The following NOS1 variants were observed in gnomAD, a reference collection of about 807,000 sequenced individuals.
NOS1 encodes the protein nitric oxide synthase 1, also known as NOS type I.
A neutral mutation model predicts 164.5 loss-of-function variants in NOS1; 51 were observed. The ratio of observed to expected loss-of-function variants is 0.31; its 90% CI spans 0.25 to 0.39. NOS1 has a LOEUF of 0.39. NOS1 is among the 10% of genes least tolerant of loss of function. NOS1 has a pLI of 1.00. For synonymous variants in NOS1, 719 were observed against 745.8 expected, an observed-to-expected ratio of 0.96 and a Z score of 0.59; for missense variants, 1,362 against 1,885.6, an observed-to-expected ratio of 0.72 and a Z score of 5.14.
intron 1 of NOS1, among the ~76,000 whole-genome samples, chr12:117,360,222 G>T (rs555831746): frequency 6.6e-6 from 1 of 152,004 alleles, no homozygotes; most frequent in Non-Finnish European, 1.5e-5. Flanking sequence ...GCCTGATGCG[G>T]AGCTTGGAGA....
At chr12:117,262,947 T>G (rs1872059651) in intron 13 of NOS1, among the ~76,000 whole-genome samples, 1 of 152,126 alleles carries the variant, frequency 6.6e-6, no homozygotes. Context: ...ATTCTTTAGC[T>G]CAATTGTCAC....
chr12:117,260,044 G>A (rs1255786401), intron 14 of NOS1, among the ~76,000 whole-genome samples: 2 of 151,486 alleles, frequency 1.3e-5, no homozygotes, highest in African/African-American at 4.8e-5. Context: ...GCGTGAACCC[G>A]GGAGGTGGAG....
intron 11 of NOS1, among the ~76,000 whole-genome samples, chr12:117,267,028 T>C (rs907065891): frequency 1.3e-5 from 2 of 152,126 alleles, no homozygotes; most frequent in African/African-American, 4.8e-5. Flanking sequence ...GTGCACCCAC[T>C]CCATCCACAT....
intron 1 of NOS1, among the ~76,000 whole-genome samples, chr12:117,351,343 C>T (rs56286535): frequency 0.016 from 2,474 of 152,304 alleles, 65 homozygotes; most frequent in African/African-American, 0.056. Flanking sequence ...TTCCACCACC[C>T]AAAGGGCTTC....
At chr12:117,338,499 A>T (rs112954968) in intron 1 of NOS1, among the ~76,000 whole-genome samples, 14,003 of 150,300 alleles carry the variant, frequency 0.093, 866 homozygotes, top group Admixed American at 0.14. Context: ...GCATTAGGAG[A>T]TATACCTAAT....
rs1193217470 is a variant in NOS1 at position 117,217,440 on chromosome 12, C to A, written c.4289+606G>T. On this transcript the variant is annotated intron_variant, in intron 28 of 28. Transcript: ENST00000317775. ...ACAACTCCGGCCATGTGCGGTGGCT[C>A]ACACCTATAATTCCAGCACTTTGGG... is the stretch of plus-strand genomic sequence containing the variant. Among the ~76,000 whole-genome samples, 5 of 152,206 alleles carry A rather than the reference C, an allele frequency of 3.3e-5. No homozygotes were observed. The East Asian group carries it at 9.6e-4, about 29-fold the overall frequency.
chr12:117,313,970 G>A (rs995741169), intron 2 of NOS1, among the ~76,000 whole-genome samples: 13 of 152,086 alleles, frequency 8.5e-5, no homozygotes, highest in Non-Finnish European at 1.8e-4. Context: ...CTAGCTTAGG[G>A]GACTCCCCCA....
chr12:117,212,926 T>C lies in NOS1; in HGVS notation c.*2383A>G. The C allele has an allele frequency of 3.0e-6, 3 of 985,274 alleles. No individual in the cohort carries two copies. Among genetic ancestry groups the C allele is most frequent in the Non-Finnish European group, 3.6e-6 (3 of 829,888 alleles). 61.0% of individuals were successfully genotyped at this position (985,274 alleles called of 1,614,324 possible). ...CGCTCTCCTGCCTTCTAGCCTGGAG[T>C]TGTGAAGCAGCTTGTGTTGGGGATT... On this transcript the variant is annotated 3_prime_UTR_variant, in exon 29 of 29. Transcript: ENST00000317775.
At chr12:117,265,034 T>C (rs1372624624) in intron 12 of NOS1, among the ~76,000 whole-genome samples, 3 of 150,642 alleles carry the variant, frequency 2.0e-5, no homozygotes, top group African/African-American at 7.3e-5. Context: ...AATTTAGAGA[T>C]GGGGTCTCAC....
At chr12:117,259,166 G>A (rs1294296396) in intron 14 of NOS1, 36 bp from the exon 15 acceptor site, 1 of 1,384,804 alleles carries the variant, frequency 7.2e-7, no homozygotes, top group African/African-American at 1.4e-5. Flanking sequence ...GATGGGGAGA[G>A]GAAGAAGGGG....
At chr12:117,360,092 A>C (rs1004415290) in intron 1 of NOS1, among the ~76,000 whole-genome samples, 1 of 151,106 alleles carries the variant, frequency 6.6e-6, no homozygotes, top group Non-Finnish European at 1.5e-5. Flanking sequence ...ACCGAAGGTC[A>C]CGCAACAAGT....
intron 7 of NOS1, among the ~76,000 whole-genome samples, chr12:117,283,170 C>T (rs986719378): frequency 1.3e-5 from 2 of 151,738 alleles, no homozygotes; most frequent in Admixed American, 6.6e-5. Context: ...AAGCAATCCT[C>T]CCACCTCAGC....
rs926784841 is a variant in NOS1 at position 117,214,723 on chromosome 12, A to C, written c.*586T>G. On this transcript the variant is annotated 3_prime_UTR_variant, in exon 29 of 29. Transcript: ENST00000317775. ...CCTAATTATGGACACACGAGGGATT[A>C]ATATGGGCCAGGGACACGTTTCTTG... 11 of 985,218 alleles carry C rather than the reference A, an allele frequency of 1.1e-5. No individual in the cohort carries two copies. Among genetic ancestry groups the C allele is most frequent in the Non-Finnish European group, 1.3e-5 (11 of 829,936 alleles). 61.0% of individuals were successfully genotyped at this position (985,218 alleles called of 1,614,324 possible). A position where few individuals can be genotyped will look rare whatever the true frequency, so the allele number is the denominator to read the frequency against.
chr12:117,227,290 T>C (rs536021680), intron 23 of NOS1, 141 bp downstream of exon 23: 23 of 767,862 alleles, frequency 3.0e-5, no homozygotes, highest in East Asian at 1.9e-4. Context: ...CTGCTGCTTC[T>C]TCCCCCAGCT....
At chr12:117,311,439 G>A (rs771500614) in intron 3 of NOS1, 27 bp downstream of exon 3, 70 of 1,581,118 alleles carry the variant, frequency 4.4e-5, no homozygotes, top group African/African-American at 8.0e-5. Context: ...GGGAAGCAGT[G>A]GTACCAGCTT....
chr12:117,268,248 T>C, intron 10 of NOS1, 104 bp from the exon 11 acceptor site: 2 of 781,250 alleles, frequency 2.6e-6, no homozygotes, highest in Non-Finnish European at 4.3e-6. Flanking sequence ...TTCTTTTTTT[T>C]TAAATGGACT....
intron 22 of NOS1, among the ~76,000 whole-genome samples, chr12:117,228,712 G>A (rs140961746): frequency 2.2e-4 from 34 of 152,258 alleles, no homozygotes; most frequent in African/African-American, 7.2e-4. Context: ...AGTGCACTGT[G>A]TAACAAAGAT....
intron 13 of NOS1, among the ~76,000 whole-genome samples, chr12:117,262,372 C>A (rs1871977461): frequency 7.4e-6 from 1 of 135,804 alleles, no homozygotes; most frequent in Non-Finnish European, 1.6e-5. Flanking sequence ...CTGATGTGTT[C>A]TTGCTTGGCT....
rs543639912 is a variant in NOS1, at chr12:117,310,828, T to C, written c.852+638A>G. On this transcript the variant is annotated intron_variant, in intron 3 of 28. Transcript: ENST00000317775. ...GCTCCACTAATTAAAAAAAAATTTT[T>C]TTTTTAAAAGAGATAGGGTCTCGCT... 1.6e-4 allele frequency among the ~76,000 whole-genome samples: 24 copies of C among 152,240 alleles called. No individual in the cohort carries two copies. The South Asian group carries it at 1.7e-3, about 11-fold the overall frequency.
Sources: gnomAD v4.1 joint callset for allele counts (sites outside exome capture counted in the v4.1 genomes callset) on GRCh38, gnomAD v4.1.1 for gene constraint, MANE v1.5 for transcripts, NCBI Gene and HGNC (gene_info 2026-07-23, HGNC 2026-07-21) for gene names.